HUWE1: variants seen among roughly 807,000 people sequenced by gnomAD.
HUWE1 encodes the protein HECT, UBA and WWE domain containing E3 ubiquitin protein ligase 1, also known as E3 ubiquitin-protein ligase HUWE1.
A neutral mutation model predicts 299.4 loss-of-function variants in HUWE1; 18 were observed. That is an observed-to-expected ratio of 0.06 (90% CI 0.04 to 0.09). HUWE1 has a LOEUF of 0.09. HUWE1 is among the 10% of genes least tolerant of loss of function. The probability of loss-of-function intolerance (pLI) is 1.00; values close to 1 mark genes in which losing one functional copy is unlikely to be tolerated. For missense variants in HUWE1, 1,832 were observed against 3,462.3 expected (o/e 0.53, Z 11.82); for synonymous variants, 1,317 against 1,286.1 (o/e 1.02, Z -0.51).
intron 49 of HUWE1, among the ~76,000 whole-genome samples, chrX:53,568,211 T>C (rs963248324): frequency 8.9e-6 from 1 of 112,002 alleles, no homozygotes; most frequent in Non-Finnish European, 1.9e-5. Context: ...ATGAAACTTA[T>C]TTTCATAGCA....
intron 8 of HUWE1, 68 bp downstream of exon 8, chrX:53,634,168 G>T: frequency 1.2e-6 from 1 of 848,038 alleles, no homozygotes; most frequent in Non-Finnish European, 1.8e-6. Flanking sequence ...ACAATTCATT[G>T]TAAAGTAAGG....
Position 53,588,368 on chromosome X carries a change from G to A in HUWE1, c.4614+14C>T, listed in dbSNP as rs781814788. 1.6e-5 allele frequency: 19 copies of A among 1,202,516 alleles called. No homozygotes were observed. The highest frequency in any genetic ancestry group is 7.0e-5 in the African/African-American group (4 of 57,006). ...CATGAATGAATTACAAGGCCCCAAA[G>A]ATCTAAATCTTACCTCAAAAAGTAG... On this transcript the variant is annotated intron_variant, in intron 37 of 83. Transcript: ENST00000262854.
chrX:53,581,483 T>C (rs1459858440), intron 42 of HUWE1, among the ~76,000 whole-genome samples: 1 of 112,464 alleles, frequency 8.9e-6, no homozygotes, highest in Non-Finnish European at 1.9e-5. Flanking sequence ...TATTTATATA[T>C]TGTTTGCCTT....
chrX:53,625,423 G>A (rs2066420213), intron 17 of HUWE1, 165 bp from the exon 18 acceptor site: 1 of 396,237 alleles, frequency 2.5e-6, no homozygotes, highest in East Asian at 4.1e-5. Flanking sequence ...ATTAAGCTTT[G>A]AAATTGGAAA....
intron 15 of HUWE1, among the ~76,000 whole-genome samples, chrX:53,628,272 T>C (rs188468209): frequency 6.3e-4 from 70 of 111,103 alleles, no homozygotes; most frequent in Admixed American, 6.1e-3. Flanking sequence ...CTGACCATTC[T>C]ACACTATGAT....
intron 26 of HUWE1, 46 bp downstream of exon 26, chrX:53,604,543 T>C (rs1556994785): frequency 8.4e-7 from 1 of 1,193,256 alleles, no homozygotes; most frequent in Admixed American, 2.2e-5. Flanking sequence ...CCCTAGATAT[T>C]TCACTGCCTT....
In HUWE1 at chrX:53,540,358, T is replaced by G. The variant is rs111598489; in HGVS notation, c.11477-546A>C. Among the ~76,000 whole-genome samples the G allele has an allele frequency of 3.9e-3, 428 of 109,244 alleles. 2 individuals are homozygous for G. Among genetic ancestry groups the G allele is most frequent in the African/African-American group, 0.014 (417 of 30,067 alleles). 94.9% of individuals were successfully genotyped at this position (109,244 alleles called of 115,157 possible). On this transcript the variant is annotated intron_variant, in intron 74 of 83. Coordinates refer to ENST00000262854, the MANE Select transcript of HUWE1 (RefSeq NM_031407.7). ...TTTTTTTTTTTTCCCTGAGACAGTCTCGTTCTGTCGCCCAGGCTGCAGTGC... is the reference window on the plus strand; with the variant it reads ...TTTTTTTTTTTTCCCTGAGACAGTCGCGTTCTGTCGCCCAGGCTGCAGTGC...
At chrX:53,545,975 A>G (rs1263123079) in intron 70 of HUWE1, among the ~76,000 whole-genome samples, 1 of 111,361 alleles carries the variant, frequency 9.0e-6, no homozygotes, top group Non-Finnish European at 1.9e-5. Flanking sequence ...AAACGAGGTA[A>G]TTTGTAACTG....
intron 29 of HUWE1, among the ~76,000 whole-genome samples, chrX:53,598,102 G>T (rs913414583): frequency 8.9e-6 from 1 of 111,868 alleles, no homozygotes; most frequent in Admixed American, 9.5e-5. Context: ...ACCAGAGCAA[G>T]TAACAGAAGA....
chrX:53,633,446 T>A (rs1449221002), intron 8 of HUWE1, among the ~76,000 whole-genome samples: 1 of 112,406 alleles, frequency 8.9e-6, no homozygotes, highest in Non-Finnish European at 1.9e-5. Flanking sequence ...ACCTACTGTA[T>A]CACCCAATAT....
At chrX:53,625,114 A>C in intron 18 of HUWE1, 43 bp downstream of exon 18, 1 of 822,289 alleles carries the variant, frequency 1.2e-6, no homozygotes, top group Non-Finnish European at 1.9e-6. Context: ...AATCTTTGAG[A>C]GAGTAAAATA....
chrX:53,577,503 C>CCCT (rs1158037093), intron 43 of HUWE1, among the ~76,000 whole-genome samples: 44 of 79,885 alleles, frequency 5.5e-4, no homozygotes, highest in Non-Finnish European at 7.8e-4. Flanking sequence ...TCCCTCCTCT[C>CCCT]CCTCTCCCTC....
In HUWE1 at chrX:53,534,807, GCAC is replaced by G. The variant is rs782650793; in HGVS notation, c.12650-113_12650-111del. 1,004 of 641,617 alleles carry G rather than the reference GCAC, an allele frequency of 1.6e-3. 2 individuals carry two copies. Among genetic ancestry groups the G allele is most frequent in the Non-Finnish European group, 2.2e-3 (928 of 416,107 alleles). 52.9% of individuals were successfully genotyped at this position (641,617 alleles called of 1,213,427 possible). ...CACTGTTAGCTGGGACTACAGGCAT[GCAC>G]CACCACAACTGGTTAATTCTGCCCA... On this transcript the variant is annotated intron_variant, in intron 81 of 83. Coordinates refer to ENST00000262854, the MANE Select transcript of HUWE1 (RefSeq NM_031407.7).
At chrX:53,613,734 T>G (rs2065629359) in intron 23 of HUWE1, among the ~76,000 whole-genome samples, 1 of 111,564 alleles carries the variant, frequency 9.0e-6, no homozygotes, top group South Asian at 3.8e-4. Flanking sequence ...AACGAACAGA[T>G]AGTAACAAAA....
chrX:53,576,896 A>G lies in HUWE1; in HGVS notation c.5884+4T>C. The G allele has an allele frequency of 8.3e-7, 1 of 1,210,909 alleles. No homozygotes were observed. The highest frequency in any genetic ancestry group is 1.1e-6 in the Non-Finnish European group (1 of 894,786). ...CAGCCTCCTGAGGTAGGCTAGCCAC[A>G]TACCTTCCTCTGGAGCATGGTATGC... On this transcript the variant is annotated splice_donor_region_variant and intron_variant, in intron 44 of 83. Transcript: ENST00000262854.
At position 53,634,229 on chromosome X, in the gene HUWE1, T is replaced by G; in HGVS notation, c.567+7A>C. ...AAAAGACACCCATATCCCAAAGAGT[T>G]ACTTACCATCATATGCAAGTCTCTG... On this transcript the variant is annotated splice_region_variant and intron_variant, in intron 8 of 83. Coordinates refer to ENST00000262854, the MANE Select transcript of HUWE1 (RefSeq NM_031407.7). The G allele has an allele frequency of 8.4e-7, 1 of 1,186,449 alleles. No individual in the cohort carries two copies. The highest frequency in any genetic ancestry group is 2.2e-5 in the Admixed American group (1 of 46,024).
At chrX:53,555,212 G>C (rs1443847762) in intron 60 of HUWE1, among the ~76,000 whole-genome samples, 1 of 112,041 alleles carries the variant, frequency 8.9e-6, no homozygotes, top group Non-Finnish European at 1.9e-5. Flanking sequence ...AGGCCATATA[G>C]GGTGAGGCTA....
At chrX:53,617,563 GCTTA>G (rs1486846008) in intron 19 of HUWE1, 117 bp from the exon 20 acceptor site, 9 of 515,204 alleles carry the variant, frequency 1.7e-5, no homozygotes, top group African/African-American at 4.7e-5. Context: ...AAACCCTTGT[GCTTA>G]CTATGAAATT....
intron 37 of HUWE1, 49 bp from the exon 38 acceptor site, chrX:53,586,958 C>T: frequency 1.7e-6 from 2 of 1,179,983 alleles, no homozygotes; most frequent in Non-Finnish European, 2.3e-6. Context: ...CCAATTTCTA[C>T]TCAGTAACAA....
Sources: allele counts gnomAD v4.1 joint callset (sites outside exome capture counted in the v4.1 genomes callset), GRCh38; gene constraint gnomAD v4.1.1; transcripts MANE v1.5; gene names NCBI Gene and HGNC (gene_info 2026-07-23, HGNC 2026-07-21).